HERC1: variants seen among roughly 807,000 people sequenced by gnomAD.
HERC1 encodes HECT and RLD domain containing E3 ubiquitin protein ligase family member 1.
HERC1 carries 160 observed loss-of-function variants against 554.3 expected under a neutral mutation model. That is an observed-to-expected ratio of 0.29 (90% confidence interval 0.25 to 0.33). The LOEUF (loss-of-function observed/expected upper bound fraction) is 0.33, where lower values mean the gene tolerates loss of function less well. HERC1 is among the 10% of genes least tolerant of loss of function. The probability of loss-of-function intolerance (pLI) is 1.00; values close to 1 mark genes in which losing one functional copy is unlikely to be tolerated. For missense variants in HERC1, 4,919 were observed against 5,918.5 expected (o/e 0.83, Z 5.54); for synonymous variants, 2,175 against 2,131.7 (o/e 1.02, Z -0.56).
chr15:63,729,055 CTCTT>C (rs1229105682), intron 16 of HERC1, among the ~76,000 whole-genome samples, 177 bp downstream of exon 16: 1 of 152,060 alleles, frequency 6.6e-6, no homozygotes, highest in Non-Finnish European at 1.5e-5. Context: ...GCCAAGTAGA[CTCTT>C]TCTAAGACCA....
Position 63,628,764 on chromosome 15 carries a change from G to T in HERC1, c.13018C>A (p.Leu4340Met). ...HVREPTLVTGLQGKNVRQISA... is the reference protein window; with the variant it reads ...HVREPTLVTGMQGKNVRQISA... ...ATCTGCCGAACATTTTTCCCTTGCA[G>T]ACCTGTTACCAGGGTTGGTTCTCGA... Residue 4340 changes from leucine to methionine, a missense_variant, in exon 70 of 78, where the codon CTG becomes ATG. Physicochemically the swap from Leu to Met is conservative, Grantham distance 15. Coordinates refer to ENST00000443617, the MANE Select transcript of HERC1 (RefSeq NM_003922.4). 6.2e-7 allele frequency: 1 copy of T among 1,613,998 alleles called. No homozygotes were observed. The highest frequency in any genetic ancestry group is 1.1e-5 in the South Asian group (1 of 91,074).
At chr15:63,613,202 C>G (rs1566937964) in intron 76 of HERC1, among the ~76,000 whole-genome samples, 2 of 152,160 alleles carry the variant, frequency 1.3e-5, no homozygotes, top group Non-Finnish European at 2.9e-5. Context: ...CTGAAAAAAG[C>G]AGATATTGCT....
At chr15:63,669,467 G>T in intron 40 of HERC1, 71 bp downstream of exon 40, 1 of 1,406,618 alleles carries the variant, frequency 7.1e-7, no homozygotes, top group Non-Finnish European at 1.0e-6. Context: ...AAAACACAAT[G>T]CCCACATAAT....
rs554255516 is a variant in HERC1, at chr15:63,750,955, G to C, written c.1903-1164C>G. Among the ~76,000 whole-genome samples, 99 of 152,074 alleles carry C rather than the reference G, an allele frequency of 6.5e-4. 4 individuals are homozygous for C. Among genetic ancestry groups the C allele is most frequent in the Non-Finnish European group, 2.8e-4 (19 of 68,004 alleles). On this transcript the variant is annotated intron_variant, in intron 8 of 77. Coordinates refer to ENST00000443617, the MANE Select transcript of HERC1 (RefSeq NM_003922.4). ...CTGAGTTCAAAATAAAATAAAATGAGAACATATATTTGTACTTGTTTCCAG... is the reference window on the plus strand; with the variant it reads ...CTGAGTTCAAAATAAAATAAAATGACAACATATATTTGTACTTGTTTCCAG...
Position 63,829,479 on chromosome 15 carries a change from AATATATAT to A in HERC1, c.-27+4340_-27+4347del, listed in dbSNP as rs759570400. ...GTGTGTGCACATATATGTTTATATA[AATATATAT>A]ATATATATATATACACACACACACA... On this transcript the variant is annotated intron_variant, in intron 1 of 77. Coordinates refer to ENST00000443617, the MANE Select transcript of HERC1 (RefSeq NM_003922.4). Among the ~76,000 whole-genome samples, 9 of 87,608 alleles carry A rather than the reference AATATATAT, an allele frequency of 1.0e-4. No homozygotes were observed. The East Asian group carries it at 2.1e-3, about 21-fold the overall frequency. The allele number at this position is 87,608 out of a possible 152,430, so 57.5% of individuals were successfully genotyped here.
chr15:63,614,347 G>T (rs2067726052), intron 76 of HERC1, among the ~76,000 whole-genome samples: 1 of 152,174 alleles, frequency 6.6e-6, no homozygotes, highest in African/African-American at 2.4e-5. Context: ...AGTAACTATG[G>T]GAAAAATGGC....
chr15:63,754,845 C>T (rs1349003189), intron 6 of HERC1, among the ~76,000 whole-genome samples, 197 bp from the exon 7 acceptor site: 2 of 152,200 alleles, frequency 1.3e-5, no homozygotes, highest in Non-Finnish European at 1.5e-5. Context: ...CATAGAGTCA[C>T]TTCGGTGAAC....
At chr15:63,825,081 G>A (rs1045288684) in intron 1 of HERC1, among the ~76,000 whole-genome samples, 17 of 152,140 alleles carry the variant, frequency 1.1e-4, no homozygotes, top group African/African-American at 3.6e-4. Context: ...GGCCGAGGCA[G>A]GGAGATCACT....
intron 3 of HERC1, among the ~76,000 whole-genome samples, chr15:63,761,465 T>C (rs2142271104): frequency 6.6e-6 from 1 of 152,092 alleles, no homozygotes; most frequent in Admixed American, 6.5e-5. Context: ...CACATGCCTG[T>C]AGTCCCAGCT....
rs374048295 is a variant in HERC1 at position 63,739,753 on chromosome 15, G to A, written c.2521-4904C>T. Among the ~76,000 whole-genome samples the A allele has an allele frequency of 2.4e-3, 361 of 152,056 alleles. 1 individual carries two copies. The highest frequency in any genetic ancestry group is 8.3e-3 in the African/African-American group (346 of 41,492). ...ACTCGGGAGGCGAGGCAGGATAATC[G>A]CTTGAACCCAGGACGTGGAGGTTAC... On this transcript the variant is annotated intron_variant, in intron 12 of 77. Transcript: ENST00000443617.
chr15:63,676,088 A>G (rs556510498), intron 37 of HERC1, among the ~76,000 whole-genome samples: 1 of 151,994 alleles, frequency 6.6e-6, no homozygotes, highest in African/African-American at 2.4e-5. Flanking sequence ...TTTTAGTAGA[A>G]AGAAGGTTTT....
At chr15:63,787,945 G>A (rs2143875911) in intron 1 of HERC1, among the ~76,000 whole-genome samples, 1 of 142,418 alleles carries the variant, frequency 7.0e-6, no homozygotes, top group South Asian at 2.3e-4. Flanking sequence ...TTGGCGACAG[G>A]GTGAGACCCT....
At chr15:63,729,886 G>A (rs563782401) in intron 14 of HERC1, among the ~76,000 whole-genome samples, 6 of 151,904 alleles carry the variant, frequency 3.9e-5, no homozygotes, top group African/African-American at 7.2e-5. Flanking sequence ...TTAGCTAGGC[G>A]TGGTGGTGGG....
chr15:63,824,401 G>A (rs2077813426), intron 1 of HERC1, among the ~76,000 whole-genome samples: 1 of 151,898 alleles, frequency 6.6e-6, no homozygotes, highest in African/African-American at 2.4e-5. Context: ...GGGTGTGGTG[G>A]CAGGCACCTG....
In HERC1 at chr15:63,628,788, G is replaced by A. The variant is rs2068418670; in HGVS notation, c.12994C>T (p.Arg4332Ter). 3 of 1,613,890 alleles carry A rather than the reference G, an allele frequency of 1.9e-6. No individual in the cohort carries two copies. Among genetic ancestry groups the A allele is most frequent in the Non-Finnish European group, 2.5e-6 (3 of 1,179,848 alleles). The change falls in exon 70 of 78, where the codon CGA (arginine) becomes TGA (stop). Residue 4332 changes from arginine to a stop codon, truncating the protein, a stop_gained. Transcript: ENST00000443617. LOFTEE classifies it high-confidence loss of function. ...AGACCTGTTACCAGGGTTGGTTCTC[G>A]AACATGGTTGGTATGGCCTAAGCCG... is the stretch of plus-strand genomic sequence containing the variant. ...QLGLGHTNHVREPTLVTGLQG... is the reference protein window; with the variant it reads ...QLGLGHTNHV
In HERC1 at chr15:63,612,623, G is replaced by T; in HGVS notation, c.14095-67C>A. The T allele has an allele frequency of 6.7e-7, 1 of 1,498,364 alleles. No individual in the cohort carries two copies. The highest frequency in any genetic ancestry group is 2.3e-5 in the East Asian group (1 of 43,886). The allele number at this position is 1,498,364 out of a possible 1,614,324, so 92.8% of individuals were successfully genotyped here. A position where few individuals can be genotyped will look rare whatever the true frequency, so the allele number is the denominator to read the frequency against. ...ACCTGGCACCCACCAAGGGCCCTGTGGGGCTAGGCGCCTCCTGATGCCTGC... is the reference window on the plus strand; with the variant it reads ...ACCTGGCACCCACCAAGGGCCCTGTTGGGCTAGGCGCCTCCTGATGCCTGC... On this transcript the variant is annotated intron_variant, in intron 76 of 77. Coordinates refer to ENST00000443617, the MANE Select transcript of HERC1 (RefSeq NM_003922.4). The surrounding 1 kb of genome is among the most constrained non-coding windows in gnomAD (Gnocchi z 5.0).
At chr15:63,664,368 T>TGA in intron 43 of HERC1, 102 bp downstream of exon 43, 1 of 1,006,696 alleles carries the variant, frequency 9.9e-7, no homozygotes, top group Non-Finnish European at 1.5e-6. Flanking sequence ...GTGGAGGGAC[T>TGA]GAGCACTTAG....
chr15:63,672,497 T>C lies in HERC1; in HGVS notation c.8044A>G (p.Arg2682Gly). Residue 2682 changes from arginine to glycine, a missense_variant and splice_region_variant, in exon 39 of 78, where the codon AGG becomes GGG. This residue lies in a region of HERC1 where 1,963 missense variants were observed against 2,228.6 expected (regional missense o/e 0.88). Transcript: ENST00000443617. ...SPGVMPLSLLRQMFSSYPTTT... is the reference protein window; with the variant it reads ...SPGVMPLSLLGQMFSSYPTTT... ...GACATTAAAGGTCAACTTCTCTACC[T>C]GAGAAGACTAAGAGGCATCACTCCC... The C allele has an allele frequency of 3.8e-6, 6 of 1,584,852 alleles. No homozygotes were observed. Among genetic ancestry groups the C allele is most frequent in the Non-Finnish European group, 5.2e-6 (6 of 1,164,468 alleles).
intron 1 of HERC1, among the ~76,000 whole-genome samples, chr15:63,810,054 T>TAA (rs2077253657): frequency 6.6e-6 from 1 of 152,096 alleles, no homozygotes; most frequent in South Asian, 2.1e-4. Context: ...AGGCAGTCAT[T>TAA]AAAATGAATG....
Sources: allele counts gnomAD v4.1 joint callset (sites outside exome capture counted in the v4.1 genomes callset), GRCh38; gene constraint gnomAD v4.1.1; regional missense constraint gnomAD v4.1.1; non-coding constraint Gnocchi (gnomAD v3.1); transcripts MANE v1.5; gene names NCBI Gene and HGNC (gene_info 2026-07-23, HGNC 2026-07-21).